The following NET1 variants were observed in gnomAD, a reference collection of about 807,000 sequenced individuals.
The protein encoded by NET1 is neuroepithelial cell-transforming gene 1 protein.
A neutral mutation model predicts 61.1 loss-of-function variants in NET1; 42 were observed. The ratio of observed to expected loss-of-function variants is 0.69; its 90% CI spans 0.54 to 0.89. The LOEUF is 0.89. NET1 is among the 40% of genes least tolerant of loss of function. NET1 has a pLI of 0.00. For missense variants in NET1, 654 were observed against 747.3 expected (o/e 0.88, Z 1.46); for synonymous variants, 254 against 281.8 (o/e 0.90, Z 0.99).
chr10:5,436,157 AAGG>A (rs1320692510), intron 3 of NET1, among the ~76,000 whole-genome samples: 4 of 131,424 alleles, frequency 3.0e-5, no homozygotes, highest in South Asian at 2.6e-4. Context: ...TAGAAGTTAA[AAGG>A]AGGTGTGTGT....
rs148517367 is a variant in NET1 at position 5,417,148 on chromosome 10, ATGGCCTGCCAGC to A, written c.128+4341_128+4352del. On this transcript the variant is annotated intron_variant, in intron 1 of 11. Transcript: ENST00000355029. This position sits in a 1 kb window ranked among gnomAD's most constrained non-coding sequence, Gnocchi z 5.5. Reference sequence around the variant, plus strand: ...AAGCTCTGCGTCATTCTGCGAATCGATGGCCTGCCAGCTGGCCTGCCAGCGTGCTGGTGTACT... The same window carrying A: ...AAGCTCTGCGTCATTCTGCGAATCGATGGCCTGCCAGCGTGCTGGTGTACT... Among the ~76,000 whole-genome samples, 4 of 151,704 alleles carry A rather than the reference ATGGCCTGCCAGC, an allele frequency of 2.6e-5. No homozygotes were observed. The highest frequency in any genetic ancestry group is 1.3e-4 in the Admixed American group (2 of 15,220).
rs1054405453 is a variant in NET1 at position 5,454,835 on chromosome 10, G to A, written c.1027-113G>A. 3.0e-6 allele frequency: 3 copies of A among 984,548 alleles called. No homozygotes were observed. The highest frequency in any genetic ancestry group is 4.5e-6 in the Non-Finnish European group (3 of 659,488). 61.0% of individuals were successfully genotyped at this position (984,548 alleles called of 1,614,324 possible). ...GACTGGCAGAATTAACTGATTTCTAGAGTCCCTTCAAGCTTTAAAGTTCTT... is the reference window on the plus strand; with the variant it reads ...GACTGGCAGAATTAACTGATTTCTAAAGTCCCTTCAAGCTTTAAAGTTCTT... On this transcript the variant is annotated intron_variant, in intron 9 of 11. Coordinates refer to ENST00000355029, the MANE Select transcript of NET1 (RefSeq NM_001047160.3). This position sits in a 1 kb window ranked among gnomAD's most constrained non-coding sequence, Gnocchi z 8.1.
At position 5,426,753 on chromosome 10, in the gene NET1, C is replaced by T. The variant is rs181609764; in HGVS notation, c.195+32C>T. The T allele has an allele frequency of 1.2e-4, 171 of 1,454,802 alleles. No homozygotes were observed. The African/African-American group carries it at 2.0e-3, about 17-fold the overall frequency. The allele number at this position is 1,454,802 out of a possible 1,614,324, so 90.1% of individuals were successfully genotyped here. A position where few individuals can be genotyped will look rare whatever the true frequency, so the allele number is the denominator to read the frequency against. On this transcript the variant is annotated intron_variant, in intron 2 of 11. Coordinates refer to ENST00000355029, the MANE Select transcript of NET1 (RefSeq NM_001047160.3). This position sits in a 1 kb window ranked among gnomAD's most constrained non-coding sequence, Gnocchi z 4.6. ...AGATACCTGGGTTTTTATTTCGAGA[C>T]ATTAGATAGAATTAATTCCCTGGTT...
At chr10:5,450,469 A>G (rs1254822590) in intron 3 of NET1, among the ~76,000 whole-genome samples, 1 of 152,108 alleles carries the variant, frequency 6.6e-6, no homozygotes, top group East Asian at 1.9e-4. Context: ...AAAATGGTCA[A>G]TATAGTCTTC....
chr10:5,425,000 A>G lies in NET1; in HGVS notation c.129-1655A>G, dbSNP rs1832237092. Among the ~76,000 whole-genome samples the G allele has an allele frequency of 1.3e-5, 2 of 152,244 alleles. No homozygotes were observed. Among genetic ancestry groups the G allele is most frequent in the Admixed American group, 1.3e-4 (2 of 15,292 alleles). On this transcript the variant is annotated intron_variant, in intron 1 of 11. Coordinates refer to ENST00000355029, the MANE Select transcript of NET1 (RefSeq NM_001047160.3). The surrounding 1 kb of genome is among the most constrained non-coding windows in gnomAD (Gnocchi z 6.1). ...ATGGCTGCCACACATACTCAAGATC[A>G]AGGCCATTCTCTCTGAGTGCAGTAA...
Position 5,417,417 on chromosome 10 carries a change from C to T in NET1, c.128+4597C>T, listed in dbSNP as rs79313671. On this transcript the variant is annotated intron_variant, in intron 1 of 11. Transcript: ENST00000355029. The surrounding 1 kb of genome is among the most constrained non-coding windows in gnomAD (Gnocchi z 5.5). ...GGGATGGAGCCCTAGCAAGGGACCA[C>T]GCTCTCCTCTACGCAGCACTTCCCT... Among the ~76,000 whole-genome samples the T allele has an allele frequency of 0.025, 3,753 of 152,226 alleles. 139 individuals carry two copies. Among genetic ancestry groups the T allele is most frequent in the East Asian group, 0.099 (513 of 5,172 alleles).
Position 5,416,421 on chromosome 10 carries a change from G to A in NET1, c.128+3601G>A, listed in dbSNP as rs1408049838. Among the ~76,000 whole-genome samples, 1 of 152,048 alleles carries A rather than the reference G, an allele frequency of 6.6e-6. No individual in the cohort carries two copies. Among genetic ancestry groups the A allele is most frequent in the Non-Finnish European group, 1.5e-5 (1 of 68,012 alleles). On this transcript the variant is annotated intron_variant, in intron 1 of 11. Transcript: ENST00000355029. This position sits in a 1 kb window ranked among gnomAD's most constrained non-coding sequence, Gnocchi z 6.1. ...TGTGAATTTTAGAATCAGCTTAATCGATTTTTACAAAGGAGTCCACAGGGA... is the reference window on the plus strand; with the variant it reads ...TGTGAATTTTAGAATCAGCTTAATCAATTTTTACAAAGGAGTCCACAGGGA...
intron 3 of NET1, among the ~76,000 whole-genome samples, chr10:5,448,374 T>A (rs1237131435): frequency 6.6e-6 from 1 of 152,252 alleles, no homozygotes; most frequent in Non-Finnish European, 1.5e-5. Flanking sequence ...AACAATTTTC[T>A]GTTTATAGAT....
chr10:5,436,185 GTTGTGTGTGTGTGT>G (rs1185405310), intron 3 of NET1, among the ~76,000 whole-genome samples: 7 of 9,000 alleles, frequency 7.8e-4, no homozygotes, highest in East Asian at 3.7e-3. Flanking sequence ...GTGTGTGTGT[GTTGTGTGTGTGTGT>G]GTGTGTGTGT....
chr10:5,435,163 G>A lies in NET1; in HGVS notation c.255+5934G>A, dbSNP rs769290300. Among the ~76,000 whole-genome samples the A allele has an allele frequency of 2.6e-5, 4 of 152,274 alleles. No individual in the cohort carries two copies. Among genetic ancestry groups the A allele is most frequent in the East Asian group, 1.9e-4 (1 of 5,192 alleles). On this transcript the variant is annotated intron_variant, in intron 3 of 11. Transcript: ENST00000355029. This position sits in a 1 kb window ranked among gnomAD's most constrained non-coding sequence, Gnocchi z 5.0. Reference sequence around the variant, plus strand: ...TTGTGTAGCAGGAGAAGTGTGCTACGGGACCTATTCCAGACCAATTCCATA... The same window carrying A: ...TTGTGTAGCAGGAGAAGTGTGCTACAGGACCTATTCCAGACCAATTCCATA...
chr10:5,452,778 AT>A lies in NET1; in HGVS notation c.532-79del, dbSNP rs1832729441. 2.3e-6 allele frequency: 3 copies of A among 1,282,220 alleles called. No homozygotes were observed. In the East Asian group the frequency reaches 7.0e-5, roughly 30 times the overall value. 79.4% of individuals were successfully genotyped at this position (1,282,220 alleles called of 1,614,324 possible). Reference sequence around the variant, plus strand: ...TACTTTTTAAAATGCCGTTCAAAACATCAAATAATGTAATTATCAGTTGTAT... The same window carrying A: ...TACTTTTTAAAATGCCGTTCAAAACACAAATAATGTAATTATCAGTTGTAT... On this transcript the variant is annotated intron_variant, in intron 5 of 11. Coordinates refer to ENST00000355029, the MANE Select transcript of NET1 (RefSeq NM_001047160.3). The surrounding 1 kb of genome is among the most constrained non-coding windows in gnomAD (Gnocchi z 4.0).
intron 3 of NET1, among the ~76,000 whole-genome samples, chr10:5,430,376 CT>C (rs34200273): frequency 2.8e-3 from 391 of 139,848 alleles, no homozygotes; most frequent in Middle Eastern, 7.2e-3. Context: ...TAGATAAAAA[CT>C]TTTTTTTTTT....
At chr10:5,432,748 A>G (rs1471059177) in intron 3 of NET1, among the ~76,000 whole-genome samples, 4 of 147,650 alleles carry the variant, frequency 2.7e-5, no homozygotes, top group African/African-American at 9.9e-5. Context: ...TTATCCTTCC[A>G]CTTTTAAAAT....
In NET1 at chr10:5,429,155, C is replaced by CT; in HGVS notation, c.196-14dup. 1 of 1,585,226 alleles carries CT rather than the reference C, an allele frequency of 6.3e-7. No individual in the cohort carries two copies. Among genetic ancestry groups the CT allele is most frequent in the Non-Finnish European group, 8.6e-7 (1 of 1,157,012 alleles). On this transcript the variant is annotated splice_polypyrimidine_tract_variant and intron_variant, in intron 2 of 11. Coordinates refer to ENST00000355029, the MANE Select transcript of NET1 (RefSeq NM_001047160.3). ...TTCCTTTTATATGAGAATGAAATCT[C>CT]TATTTTTCTTTTAGAAAAGAAAACG...
rs551491383 is a variant in NET1 at position 5,439,535 on chromosome 10, C to T, written c.255+10306C>T. Among the ~76,000 whole-genome samples the T allele has an allele frequency of 6.6e-6, 1 of 152,196 alleles. No individual in the cohort carries two copies. Among genetic ancestry groups the T allele is most frequent in the Non-Finnish European group, 1.5e-5 (1 of 68,036 alleles). The stretch of plus-strand genomic sequence containing the variant: ...TATAACAGATGGCTGCTGTACCTCC[C>T]AACCTTCTGACTCAGTTGATGTGAC... On this transcript the variant is annotated intron_variant, in intron 3 of 11. Transcript: ENST00000355029. This position sits in a 1 kb window ranked among gnomAD's most constrained non-coding sequence, Gnocchi z 4.8.
rs1258086355 is a variant in NET1, at chr10:5,421,132, TC to T, written c.129-5521del. Among the ~76,000 whole-genome samples the T allele has an allele frequency of 3.9e-5, 6 of 152,198 alleles. No homozygotes were observed. The highest frequency in any genetic ancestry group is 1.4e-4 in the African/African-American group (6 of 41,442). On this transcript the variant is annotated intron_variant, in intron 1 of 11. Coordinates refer to ENST00000355029, the MANE Select transcript of NET1 (RefSeq NM_001047160.3). The surrounding 1 kb of genome is among the most constrained non-coding windows in gnomAD (Gnocchi z 4.2). ...TTTAGGCATTAAAAGCAGTCAGACT[TC>T]CTAGGTTCAAATTCTGGCTCTTAAG...
chr10:5,456,152 G>A lies in NET1; in HGVS notation c.1263G>A (p.Arg421=). The part of the protein sequence containing the change: ...VLTRPVTRNE[R]HSYQVYRQPI... ...CTCGGCCCGTCACACGGAACGAACG[G>A]CACTCTTACCAGGTTTACCGGCAGC... Residue 421 remains arginine, a synonymous_variant, in exon 11 of 12, where the codon CGG becomes CGA. Coordinates refer to ENST00000355029, the MANE Select transcript of NET1 (RefSeq NM_001047160.3). The surrounding 1 kb of genome is among the most constrained non-coding windows in gnomAD (Gnocchi z 7.0). The A allele has an allele frequency of 6.2e-7, 1 of 1,614,180 alleles. No individual in the cohort carries two copies. Among genetic ancestry groups the A allele is most frequent in the Non-Finnish European group, 8.5e-7 (1 of 1,180,022 alleles).
chr10:5,442,585 G>C (rs1832538740), intron 3 of NET1, among the ~76,000 whole-genome samples: 1 of 152,184 alleles, frequency 6.6e-6, no homozygotes, highest in African/African-American at 2.4e-5. Context: ...TACGCCGTTT[G>C]TAGAAAGTTA....
Position 5,455,051 on chromosome 10 carries a change from G to A in NET1, c.1130G>A (p.Arg377Lys), listed in dbSNP as rs1832774839. 2 of 1,614,026 alleles carry A rather than the reference G, an allele frequency of 1.2e-6. No individual in the cohort carries two copies. The highest frequency in any genetic ancestry group is 1.1e-5 in the South Asian group (1 of 91,084). The stretch of plus-strand genomic sequence containing the variant: ...CTGGAGTACCTGGATGAAAAGCAGA[G>A]GGACCCCAGAATCGAAGCGAGCAAA... The part of the protein sequence containing the change: ...DKLEYLDEKQ[R>K]DPRIEASKVL... Residue 377 changes from arginine to lysine, a missense_variant, in exon 10 of 12, where the codon AGG becomes AAG. By Grantham distance (26) the Arg-to-Lys change is conservative (BLOSUM62 2). Coordinates refer to ENST00000355029, the MANE Select transcript of NET1 (RefSeq NM_001047160.3). This position sits in a 1 kb window ranked among gnomAD's most constrained non-coding sequence, Gnocchi z 6.5.
Sources: gnomAD v4.1 joint callset for allele counts (sites outside exome capture counted in the v4.1 genomes callset) on GRCh38, gnomAD v4.1.1 for gene constraint, Gnocchi (gnomAD v3.1) non-coding constraint, MANE v1.5 for transcripts, NCBI Gene and HGNC (gene_info 2026-07-23, HGNC 2026-07-21) for gene names.